UPP2: variants seen among roughly 807,000 people sequenced by gnomAD.
UPP2 encodes the protein uridine phosphorylase 2.
Under a neutral mutation model 26.7 loss-of-function variants are expected in UPP2, and 23 were observed. The observed-to-expected ratio is 0.86, with a 90% CI of 0.62 to 1.22. UPP2 has a LOEUF of 1.22. UPP2 is among the 50% of genes most tolerant of loss of function. The pLI is 0.00. For synonymous variants in UPP2, 127 were observed against 141.3 expected, an observed-to-expected ratio of 0.90 and a Z score of 0.72; for missense variants, 387 against 396.7, an observed-to-expected ratio of 0.98 and a Z score of 0.21.
At chr2:158,028,842 T>C (rs1683876113) in intron 3 of UPP2, among the ~76,000 whole-genome samples, 1 of 152,194 alleles carries the variant, frequency 6.6e-6, no homozygotes, top group Non-Finnish European at 1.5e-5. Flanking sequence ...GACCCCCTGA[T>C]AAAAGCATCA....
At chr2:158,011,253 G>A (rs1280413479) in intron 2 of UPP2, among the ~76,000 whole-genome samples, 2 of 152,194 alleles carry the variant, frequency 1.3e-5, no homozygotes, top group African/African-American at 4.8e-5. Context: ...AATGACTCAG[G>A]TAACCAGACA....
chr2:158,073,312 A>C (rs1682574558), intron 3 of UPP2, among the ~76,000 whole-genome samples: 1 of 152,056 alleles, frequency 6.6e-6, no homozygotes, highest in Non-Finnish European at 1.5e-5. Flanking sequence ...AAAAAGAATA[A>C]ACAAAAATGA....
chr2:158,115,376 G>A, intron 3 of UPP2, 117 bp downstream of exon 3: 1 of 1,271,340 alleles, frequency 7.9e-7, no homozygotes, highest in Non-Finnish European at 1.0e-6. Context: ...AATCAAACAA[G>A]GTGTCCAGGT....
rs113917086 is a variant in UPP2 at position 158,095,442 on chromosome 2, C to T, written c.148-6598C>T. ...CCCAGTCCTACTTCACCTTCAACAC[C>T]CAGATCAAATTCCCTTCTCTTGTTG... is the stretch of plus-strand genomic sequence containing the variant. On this transcript the variant is annotated intron_variant, in intron 3 of 9. Coordinates refer to the UPP2 transcript ENST00000605860. 7.5e-3 allele frequency among the ~76,000 whole-genome samples: 1,148 copies of T among 152,202 alleles called. 16 individuals are homozygous for T. Among genetic ancestry groups the T allele is most frequent in the African/African-American group, 0.026 (1,090 of 41,490 alleles).
intron 3 of UPP2, among the ~76,000 whole-genome samples, chr2:158,050,047 A>G (rs1320776667): frequency 6.6e-6 from 1 of 152,042 alleles, no homozygotes; most frequent in Non-Finnish European, 1.5e-5. Flanking sequence ...GATTCCTGAC[A>G]TTTTATTTAC....
At chr2:158,006,187 C>T (rs939494162) in intron 2 of UPP2, among the ~76,000 whole-genome samples, 1 of 152,328 alleles carries the variant, frequency 6.6e-6, no homozygotes, top group Non-Finnish European at 1.5e-5. Context: ...TGGCTGGGCA[C>T]GGTGGCTCAC....
At chr2:158,052,377 G>A (rs769126531) in intron 3 of UPP2, among the ~76,000 whole-genome samples, 9 of 152,186 alleles carry the variant, frequency 5.9e-5, no homozygotes, top group Non-Finnish European at 8.8e-5. Flanking sequence ...CAAGATGTGG[G>A]TAAACTGGAA....
intron 3 of UPP2, among the ~76,000 whole-genome samples, chr2:158,116,499 T>C (rs1453311508): frequency 1.3e-5 from 2 of 152,230 alleles, no homozygotes; most frequent in East Asian, 1.9e-4. Flanking sequence ...ATGCCAAGGT[T>C]ACCAATTAGA....
intron 4 of UPP2, 49 bp downstream of exon 4, chr2:158,117,987 A>G (rs1166409925): frequency 1.4e-6 from 2 of 1,473,856 alleles, no homozygotes; most frequent in African/African-American, 1.4e-5. Flanking sequence ...CCTTACATAC[A>G]TGGTAGCTGC....
intron 2 of UPP2, among the ~76,000 whole-genome samples, chr2:158,114,742 A>C (rs1683388480): frequency 6.6e-6 from 1 of 152,226 alleles, no homozygotes; most frequent in Non-Finnish European, 1.5e-5. Context: ...TGGCCTCAGA[A>C]CTTACATCCT....
At chr2:158,108,448 C>CA (rs1224644743) in intron 2 of UPP2, among the ~76,000 whole-genome samples, 2 of 151,872 alleles carry the variant, frequency 1.3e-5, no homozygotes, top group African/African-American at 4.8e-5. Context: ...CAAAATAACA[C>CA]AAAAACAAAA....
At chr2:158,005,098 A>G (rs982183527) in intron 2 of UPP2, among the ~76,000 whole-genome samples, 3 of 152,168 alleles carry the variant, frequency 2.0e-5, no homozygotes, top group African/African-American at 4.8e-5. Flanking sequence ...ACCTCTCACC[A>G]ACAGGAATGA....
chr2:158,124,576 C>A (rs747022648), intron 6 of UPP2, among the ~76,000 whole-genome samples: 24 of 152,136 alleles, frequency 1.6e-4, no homozygotes, highest in Non-Finnish European at 3.2e-4. Flanking sequence ...GCTGGGAAGA[C>A]CCGAATGGGG....
At chr2:158,066,553 G>A (rs907612798) in intron 3 of UPP2, among the ~76,000 whole-genome samples, 1 of 151,622 alleles carries the variant, frequency 6.6e-6, no homozygotes, top group Admixed American at 6.6e-5. Flanking sequence ...GGCCTACATA[G>A]TGATTTGCCT....
chr2:158,056,152 T>A (rs567157869), intron 3 of UPP2, among the ~76,000 whole-genome samples: 3 of 152,142 alleles, frequency 2.0e-5, no homozygotes, highest in Non-Finnish European at 4.4e-5. Flanking sequence ...TTTGAGAAAT[T>A]GAGACCTTAT....
chr2:158,091,258 T>C (rs976516608), intron 3 of UPP2, among the ~76,000 whole-genome samples: 1 of 152,100 alleles, frequency 6.6e-6, no homozygotes. Context: ...GTAAAATAGA[T>C]ATGGACTACA....
At chr2:158,105,094 A>C (rs970091866) in intron 1 of UPP2, among the ~76,000 whole-genome samples, 3 of 149,082 alleles carry the variant, frequency 2.0e-5, no homozygotes, top group Non-Finnish European at 4.4e-5. Context: ...AAGAAGTCTC[A>C]GACAGTTCTT....
chr2:158,069,828 T>C (rs1682509456), intron 3 of UPP2, among the ~76,000 whole-genome samples: 1 of 152,206 alleles, frequency 6.6e-6, no homozygotes, highest in African/African-American at 2.4e-5. Context: ...TATCAAGTTC[T>C]GGAGGCTGGA....
chr2:158,111,019 G>C (rs184163317), intron 2 of UPP2, among the ~76,000 whole-genome samples: 24 of 152,102 alleles, frequency 1.6e-4, no homozygotes, highest in East Asian at 1.9e-4. Context: ...TAATTAGATC[G>C]CATTTGTCAA....
Sources: allele counts gnomAD v4.1 joint callset (sites outside exome capture counted in the v4.1 genomes callset), GRCh38; gene constraint gnomAD v4.1.1; transcripts MANE v1.5; gene names NCBI Gene and HGNC (gene_info 2026-07-23, HGNC 2026-07-21).